The following NAV1 variants were observed in gnomAD, a reference collection of about 807,000 sequenced individuals.
NAV1 encodes pore membrane and/or filament interacting like protein 3.
In NAV1, 18 loss-of-function variants were observed where a neutral mutation model predicts 175.2. The observed-to-expected ratio is 0.10, with a 90% CI of 0.07 to 0.15. NAV1 has a LOEUF of 0.15. Ranked by LOEUF, NAV1 falls within the 10% of genes least tolerant of loss-of-function variation. NAV1 has a pLI of 1.00. For missense variants in NAV1, 1,731 were observed against 2,436.6 expected, an observed-to-expected ratio of 0.71 and a Z score of 6.10; for synonymous variants, 897 against 978.7, an observed-to-expected ratio of 0.92 and a Z score of 1.56.
At chr1:201,725,462 A>C (rs2102502855) in intron 3 of NAV1, among the ~76,000 whole-genome samples, 1 of 152,262 alleles carries the variant, frequency 6.6e-6, no homozygotes, top group South Asian at 2.1e-4. Context: ...TCTAAAAGGG[A>C]GGTAGGCAGC....
Position 201,788,544 on chromosome 1 carries a change from G to A in NAV1, c.3072G>A (p.Leu1024=). Residue 1024 remains leucine, a synonymous_variant, in exon 10 of 30, where the codon CTG becomes CTA. Coordinates refer to ENST00000367296, the Ensembl canonical transcript of NAV1. This position sits in a 1 kb window ranked among gnomAD's most constrained non-coding sequence, Gnocchi z 5.7. Reference sequence around the variant, plus strand: ...CCACCCACGAGGCGGCCTTCGAGCTGTACAGCGGCTCCCAAATGGGGAGCA... The same window carrying A: ...CCACCCACGAGGCGGCCTTCGAGCTATACAGCGGCTCCCAAATGGGGAGCA... 4 of 1,614,200 alleles carry A rather than the reference G, an allele frequency of 2.5e-6. No homozygotes were observed. Among genetic ancestry groups the A allele is most frequent in the African/African-American group, 2.7e-5 (2 of 75,054 alleles).
intron 21 of NAV1, 56 bp from the exon 26 acceptor site, chr1:201,809,386 G>A (rs960251691): frequency 3.1e-6 from 5 of 1,595,370 alleles, no homozygotes; most frequent in Non-Finnish European, 4.3e-6. Context: ...TAGGACCCCG[G>A]TTCATGGAGT....
At chr1:201,794,769 G>C (rs981162560) in intron 15 of NAV1, 192 bp downstream of exon 19, 18 of 601,302 alleles carry the variant, frequency 3.0e-5, no homozygotes, top group Non-Finnish European at 5.3e-5. Context: ...CAGCTTCCTA[G>C]GGCATGAAGG....
chr1:201,635,433 C>A (rs1668594614), intron 2 of NAV1, among the ~76,000 whole-genome samples: 1 of 152,182 alleles, frequency 6.6e-6, no homozygotes, highest in Non-Finnish European at 1.5e-5. Flanking sequence ...TAGGCAAAGA[C>A]TTCTACACTT....
At chr1:201,620,907 C>A (rs1016914045), upstream of NAV1, among the ~76,000 whole-genome samples, 1 of 151,896 alleles carries the variant, frequency 6.6e-6, no homozygotes, top group African/African-American at 2.4e-5. Context: ...TTTGTTTTGG[C>A]CAGTTGTATT....
rs1363576196 is a variant in NAV1 at position 201,807,696 on chromosome 1, T to C, written c.3649-257T>C. Among the ~76,000 whole-genome samples the C allele has an allele frequency of 2.0e-5, 3 of 152,188 alleles. No individual in the cohort carries two copies. The highest frequency in any genetic ancestry group is 7.2e-5 in the African/African-American group (3 of 41,446). On this transcript the variant is annotated intron_variant, in intron 17 of 29. Coordinates refer to ENST00000367296, the Ensembl canonical transcript of NAV1. This position sits in a 1 kb window ranked among gnomAD's most constrained non-coding sequence, Gnocchi z 5.4. ...CTTTCTTTCTTTCTTTCTTTTGAGA[T>C]GGAGTCTCACTCTGTTGCCAGGCTG...
At chr1:201,672,117 C>T (rs1306520514) in intron 1 of NAV1, among the ~76,000 whole-genome samples, 1 of 151,274 alleles carries the variant, frequency 6.6e-6, no homozygotes, top group African/African-American at 2.5e-5. Context: ...TAACTGACAA[C>T]AGCCTAAAGC....
Position 201,813,269 on chromosome 1 carries a change from C to T in NAV1, c.5340+11C>T, listed in dbSNP as rs754225713. 1.0e-5 allele frequency: 16 copies of T among 1,546,170 alleles called. No individual in the cohort carries two copies. The highest frequency in any genetic ancestry group is 3.4e-5 in the South Asian group (3 of 89,258). On this transcript the variant is annotated intron_variant, in intron 28 of 29. Transcript: ENST00000367296. The surrounding 1 kb of genome is among the most constrained non-coding windows in gnomAD (Gnocchi z 4.2). Reference sequence around the variant, plus strand: ...AAGGATGGGATAAAGGTGAGCCCTACCCCCTTCACTCAAACCCTAAGATCA... The same window carrying T: ...AAGGATGGGATAAAGGTGAGCCCTATCCCCTTCACTCAAACCCTAAGATCA...
intron 2 of NAV1, among the ~76,000 whole-genome samples, chr1:201,599,783 T>C (rs1013620015): frequency 6.6e-6 from 1 of 152,200 alleles, no homozygotes; most frequent in Admixed American, 6.5e-5. Flanking sequence ...GGATGGCGTC[T>C]GTGTCATAAA....
At chr1:201,767,378 G>A (rs564131994) in intron 3 of NAV1, among the ~76,000 whole-genome samples, 2 of 152,028 alleles carry the variant, frequency 1.3e-5, no homozygotes, top group South Asian at 4.1e-4. Context: ...TTGAACCCAG[G>A]AGGTGGAGGT....
rs1408274471 is a variant in NAV1, at chr1:201,809,636, G to A, written c.4401+99G>A. On this transcript the variant is annotated intron_variant, in intron 22 of 29. Transcript: ENST00000367296. Reference sequence around the variant, plus strand: ...CTCACTCTTGCCACCCAGGCTGGAGGGCAGTGGCGTGATCACAGCTCACTG... The same window carrying A: ...CTCACTCTTGCCACCCAGGCTGGAGAGCAGTGGCGTGATCACAGCTCACTG... 9.7e-6 allele frequency: 11 copies of A among 1,139,424 alleles called. No individual in the cohort carries two copies. The East Asian group carries it at 2.5e-4, about 26-fold the overall frequency. The allele number at this position is 1,139,424 out of a possible 1,614,324, so 70.6% of individuals were successfully genotyped here.
chr1:201,652,897 C>T (rs2819386), intron 1 of NAV1, among the ~76,000 whole-genome samples: 11,285 of 152,220 alleles, frequency 0.074, 1,339 homozygotes, highest in African/African-American at 0.25. Context: ...ACCTCACGTA[C>T]CGAACGTCAC....
chr1:201,665,733 CATT>C (rs1416859555), intron 1 of NAV1, among the ~76,000 whole-genome samples: 1 of 151,990 alleles, frequency 6.6e-6, no homozygotes, highest in African/African-American at 2.4e-5. Flanking sequence ...GGAGAATCAT[CATT>C]AAGATGACTG....
chr1:201,817,780 C>CGATA (rs771690643), intron 29 of NAV1, among the ~76,000 whole-genome samples: 122 of 152,202 alleles, frequency 8.0e-4, no homozygotes, highest in Non-Finnish European at 2.5e-4. Context: ...TCCTCTGACG[C>CGATA]TATCCTGAAG....
At chr1:201,671,197 T>G (rs2102378617) in intron 1 of NAV1, among the ~76,000 whole-genome samples, 1 of 152,258 alleles carries the variant, frequency 6.6e-6, no homozygotes, top group Middle Eastern at 3.4e-3. Context: ...AGGGTAGAAG[T>G]GGTCCCTGCC....
chr1:201,746,320 C>T (rs755700941), intron 3 of NAV1, among the ~76,000 whole-genome samples: 18 of 152,120 alleles, frequency 1.2e-4, no homozygotes, highest in Non-Finnish European at 2.1e-4. Context: ...TATAGCTGTA[C>T]AGCTTTGGAC....
Position 201,720,054 on chromosome 1 carries a change from C to T in NAV1, c.1226+1299C>T, listed in dbSNP as rs189885905. Among the ~76,000 whole-genome samples, 13 of 152,342 alleles carry T rather than the reference C, an allele frequency of 8.5e-5. No homozygotes were observed. The East Asian group carries it at 1.5e-3, about 18-fold the overall frequency. ...TAAATCCCAGGGGCCAGCCCAACCT[C>T]GCGCTCACGCTCAGATCCACCAGCC... On this transcript the variant is annotated intron_variant, in intron 3 of 29. Transcript: ENST00000367296.
At chr1:201,733,076 C>A (rs569964958) in intron 3 of NAV1, among the ~76,000 whole-genome samples, 42 of 137,240 alleles carry the variant, frequency 3.1e-4, no homozygotes, top group East Asian at 2.2e-4. Flanking sequence ...GTCTCAAAAA[C>A]CAAAACAAAA....
chr1:201,638,047 A>G (rs1452052348), intron 2 of NAV1, among the ~76,000 whole-genome samples: 1 of 152,178 alleles, frequency 6.6e-6, no homozygotes, highest in Non-Finnish European at 1.5e-5. Context: ...ACCCTAGATT[A>G]GGTGTTCTTC....
Sources: allele counts gnomAD v4.1 joint callset (sites outside exome capture counted in the v4.1 genomes callset), GRCh38; gene constraint gnomAD v4.1.1; non-coding constraint Gnocchi (gnomAD v3.1); transcripts MANE v1.5; gene names NCBI Gene and HGNC (gene_info 2026-07-23, HGNC 2026-07-21).